The following NTRK3 variants were observed in gnomAD, a reference collection of about 807,000 sequenced individuals.
NTRK3 encodes the protein neurotrophic receptor tyrosine kinase 3, also known as NT-3 growth factor receptor.
A neutral mutation model predicts 91.7 loss-of-function variants in NTRK3; 24 were observed. The ratio of observed to expected loss-of-function variants is 0.26; its 90% confidence interval spans 0.19 to 0.37. NTRK3 has a LOEUF of 0.37. Among genes scored for constraint, NTRK3 ranks in the 10% least tolerant of loss-of-function variants. The pLI is 1.00. For synonymous variants in NTRK3, 483 were observed against 404.0 expected (o/e 1.20, Z -2.34); for missense variants, 880 against 1,068.9 (o/e 0.82, Z 2.46).
intron 14 of NTRK3, among the ~76,000 whole-genome samples, chr15:87,966,116 C>A (rs1038173602): frequency 6.6e-6 from 1 of 150,904 alleles, no homozygotes. Context: ...ACAAAAAACT[C>A]CACTTGGGAA....
intron 17 of NTRK3, among the ~76,000 whole-genome samples, chr15:87,905,839 C>T (rs2066735233): frequency 6.6e-6 from 1 of 152,192 alleles, no homozygotes; most frequent in African/African-American, 2.4e-5. Context: ...AGGATGGAAG[C>T]CACACAGGAA....
exon 19 of NTRK3, chr15:87,875,804 T>C (rs917005128): frequency 4.3e-6 from 1 of 232,656 alleles, no homozygotes; most frequent in East Asian, 6.1e-5. Context: ...TACCTGGGAC[T>C]CAGTAGAGAC....
intron 5 of NTRK3, among the ~76,000 whole-genome samples, chr15:88,160,150 A>G (rs1003328872): frequency 6.6e-6 from 1 of 152,136 alleles, no homozygotes; most frequent in Non-Finnish European, 1.5e-5. Context: ...CAAACCAATG[A>G]GTGAGACCCA....
chr15:88,209,821 T>A (rs1597969813), intron 3 of NTRK3: 1 of 152,294 alleles, frequency 6.6e-6, no homozygotes, highest in Non-Finnish European at 1.5e-5. Context: ...CCCCAGCCAG[T>A]TGGCAAAGGG....
exon 19 of NTRK3, chr15:87,872,918 C>A (rs1229697640): frequency 4.3e-6 from 1 of 232,900 alleles, no homozygotes; most frequent in South Asian, 1.8e-4. Context: ...GAGAAATAAG[C>A]TGATTTGGCC....
chr15:87,978,614 C>T (rs2141337768), intron 14 of NTRK3: 2 of 231,140 alleles, frequency 8.7e-6, no homozygotes, highest in Middle Eastern at 2.6e-3. Flanking sequence ...CCTGGAGAAA[C>T]TCTCCTCTGC....
chr15:88,125,385 C>G (rs2053177038), intron 13 of NTRK3, among the ~76,000 whole-genome samples: 1 of 152,196 alleles, frequency 6.6e-6, no homozygotes, highest in African/African-American at 2.4e-5. Context: ...AAATTCATCT[C>G]TCTACACATC....
intron 5 of NTRK3, among the ~76,000 whole-genome samples, chr15:88,154,634 C>T (rs764863582): frequency 6.6e-6 from 1 of 152,166 alleles, no homozygotes; most frequent in Non-Finnish European, 1.5e-5. Context: ...TCTCAACTGA[C>T]GTGACTGGTG....
intron 16 of NTRK3, 105 bp downstream of exon 16, chr15:87,932,907 A>C (rs1264099888): frequency 6.2e-6 from 7 of 1,133,766 alleles, no homozygotes; most frequent in Non-Finnish European, 9.2e-6. Context: ...TCTCATCCTG[A>C]GAGGAAAGTG....
exon 19 of NTRK3, chr15:87,863,974 T>TACACACACACACAC (rs3217416): frequency 4.9e-6 from 1 of 202,308 alleles, no homozygotes. Context: ...CCAGGCAAAA[T>TACACACACACACAC]ACACACACAC....
intron 3 of NTRK3, among the ~76,000 whole-genome samples, chr15:88,186,338 C>G (rs1485303358): frequency 6.6e-6 from 1 of 152,158 alleles, no homozygotes; most frequent in Admixed American, 6.5e-5. Flanking sequence ...CAAGCCTTAC[C>G]CTTCTCAGCC....
At chr15:87,894,473 G>T (rs1209399250) in intron 17 of NTRK3, among the ~76,000 whole-genome samples, 1 of 152,208 alleles carries the variant, frequency 6.6e-6, no homozygotes, top group Non-Finnish European at 1.5e-5. Flanking sequence ...CATAGATACA[G>T]ACCTGGGCCT....
At chr15:88,228,791 G>A (rs966426866) in intron 3 of NTRK3, among the ~76,000 whole-genome samples, 1 of 152,126 alleles carries the variant, frequency 6.6e-6, no homozygotes, top group Non-Finnish European at 1.5e-5. Flanking sequence ...ACCCCCAGAA[G>A]CCCCTCCAGC....
chr15:87,982,047 T>C (rs374942309), intron 14 of NTRK3, among the ~76,000 whole-genome samples: 1 of 152,260 alleles, frequency 6.6e-6, no homozygotes. Context: ...TTGTGGGCCC[T>C]GGAAAGATCC....
chr15:87,971,794 A>C (rs1368931081), intron 14 of NTRK3, among the ~76,000 whole-genome samples: 1 of 152,170 alleles, frequency 6.6e-6, no homozygotes, highest in Non-Finnish European at 1.5e-5. Context: ...GACCTGCCCC[A>C]TCCCTAGAAG....
intron 4 of NTRK3, among the ~76,000 whole-genome samples, chr15:88,184,011 T>A (rs1023823086): frequency 1.3e-5 from 2 of 152,156 alleles, no homozygotes; most frequent in African/African-American, 4.8e-5. Context: ...CCCTTGCCTC[T>A]CTAGACTAGG....
chr15:87,940,288 C>T (rs772669453), intron 15 of NTRK3, among the ~76,000 whole-genome samples: 2 of 152,212 alleles, frequency 1.3e-5, no homozygotes, highest in Non-Finnish European at 2.9e-5. Context: ...GACAGCACGT[C>T]CTGTAAAGCC....
chr15:88,155,388 C>G (rs1366443517), intron 5 of NTRK3, among the ~76,000 whole-genome samples: 2 of 152,188 alleles, frequency 1.3e-5, no homozygotes, highest in African/African-American at 4.8e-5. Context: ...CATCCATTCT[C>G]CCTTAGAGCC....
At chr15:88,108,458 T>C (rs566526036) in intron 13 of NTRK3, among the ~76,000 whole-genome samples, 13 of 152,196 alleles carry the variant, frequency 8.5e-5, no homozygotes, top group Admixed American at 5.2e-4. Flanking sequence ...TGGGTGCTCC[T>C]GACAACTCCC....
Sources: allele counts gnomAD v4.1 joint callset (sites outside exome capture counted in the v4.1 genomes callset), GRCh38; gene constraint gnomAD v4.1.1; transcripts MANE v1.5; gene names NCBI Gene and HGNC (gene_info 2026-07-23, HGNC 2026-07-21).